Variants in GABRG1 observed in about 807,000 individuals in gnomAD.
GABRG1 encodes the protein gamma-aminobutyric acid receptor subunit gamma-1.
A neutral mutation model predicts 49.8 loss-of-function variants in GABRG1; 49 were observed. The observed-to-expected ratio is 0.98, with a 90% CI of 0.78 to 1.25. The LOEUF (loss-of-function observed/expected upper bound fraction) is 1.25, where lower values mean the gene tolerates loss of function less well. GABRG1 is among the 50% of genes most tolerant of loss of function. The probability of loss-of-function intolerance (pLI) is 0.00; values close to 1 mark genes in which losing one functional copy is unlikely to be tolerated. For missense variants in GABRG1, 552 were observed against 552.3 expected (o/e 1.00, Z 0.01); for synonymous variants, 232 against 185.1 (o/e 1.25, Z -2.06).
rs1717561352 is a variant in GABRG1 at position 46,037,124 on chromosome 4, C to T, written c.*3864G>A. The T allele has an allele frequency of 6.6e-6, 1 of 151,850 alleles. No homozygotes were observed. The highest frequency in any genetic ancestry group is 2.1e-4 in the South Asian group (1 of 4,826). The allele number at this position is 151,850 out of a possible 1,614,324, so 9.4% of individuals were successfully genotyped here. On this transcript the variant is annotated 3_prime_UTR_variant, in exon 9 of 9. Coordinates refer to ENST00000295452, the MANE Select transcript of GABRG1 (RefSeq NM_173536.4). ...CCCTTCCTTAAATTGTATAACTAAT[C>T]CTCTCATCTTTCTGACTACATTATA...
At chr4:46,102,777 A>G (rs991855452) in intron 1 of GABRG1, among the ~76,000 whole-genome samples, 8 of 151,696 alleles carry the variant, frequency 5.3e-5, no homozygotes, top group Non-Finnish European at 1.0e-4. Flanking sequence ...TAATAACTAT[A>G]TTACTCTTCT....
rs1291918347 is a variant in GABRG1 at position 46,037,636 on chromosome 4, T to A, written c.*3352A>T. 1 of 151,724 alleles carries A rather than the reference T, an allele frequency of 6.6e-6. No individual in the cohort carries two copies. The highest frequency in any genetic ancestry group is 1.5e-5 in the Non-Finnish European group (1 of 67,820). 9.4% of individuals were successfully genotyped at this position (151,724 alleles called of 1,614,324 possible). A position where few individuals can be genotyped will look rare whatever the true frequency, so the allele number is the denominator to read the frequency against. Reference sequence around the variant, plus strand: ...AATGTAGTATTTTTTTACAGGAAATTTTGTAAGAGTAAAAATAGGTACTGG... The same window carrying A: ...AATGTAGTATTTTTTTACAGGAAATATTGTAAGAGTAAAAATAGGTACTGG... On this transcript the variant is annotated 3_prime_UTR_variant, in exon 9 of 9. Coordinates refer to ENST00000295452, the MANE Select transcript of GABRG1 (RefSeq NM_173536.4).
intron 8 of GABRG1, among the ~76,000 whole-genome samples, chr4:46,041,696 A>T (rs1717793517): frequency 6.6e-6 from 1 of 152,078 alleles, no homozygotes; most frequent in African/African-American, 2.4e-5. Flanking sequence ...GTTTGTGAAG[A>T]TATGAATTGA....
rs1264728967 is a variant in GABRG1, at chr4:46,123,966, T to A, written c.-53A>T. On this transcript the variant is annotated 5_prime_UTR_variant, in exon 1 of 9. In the 5' UTR this introduces an upstream ATG that the reference lacks. Transcript: ENST00000295452. ...CTAGCTCAATTCTCCCAGCCAGGAC[T>A]TTTCCTCCCACCTCAGCAGCAGCTG... 7.3e-7 allele frequency: 1 copy of A among 1,373,120 alleles called. No homozygotes were observed. The highest frequency in any genetic ancestry group is 1.0e-6 in the Non-Finnish European group (1 of 966,158). 85.1% of individuals were successfully genotyped at this position (1,373,120 alleles called of 1,614,324 possible).
chr4:46,066,017 C>A (rs1362638477), intron 3 of GABRG1, among the ~76,000 whole-genome samples: 1 of 152,136 alleles, frequency 6.6e-6, no homozygotes, highest in East Asian at 1.9e-4. Context: ...CCACCGCACA[C>A]GGCCTAAACT....
chr4:46,082,748 T>C (rs1426965904), intron 3 of GABRG1, among the ~76,000 whole-genome samples: 1 of 151,824 alleles, frequency 6.6e-6, no homozygotes, highest in Admixed American at 6.6e-5. Context: ...TCAGATTTTA[T>C]AATATCATCT....
At chr4:46,083,694 T>A (rs1426778501) in intron 3 of GABRG1, among the ~76,000 whole-genome samples, 2 of 151,216 alleles carry the variant, frequency 1.3e-5, no homozygotes, top group African/African-American at 4.9e-5. Context: ...ACTTCCTGAT[T>A]TTTTTTCTTT....
chr4:46,115,445 G>A (rs1720853750), intron 1 of GABRG1, among the ~76,000 whole-genome samples: 1 of 150,362 alleles, frequency 6.7e-6, no homozygotes, highest in Admixed American at 6.7e-5. Context: ...ATGGCATTAG[G>A]GAAAATCATT....
intron 7 of GABRG1, among the ~76,000 whole-genome samples, chr4:46,052,459 A>G (rs554900723): frequency 3.2e-4 from 48 of 151,984 alleles, no homozygotes; most frequent in African/African-American, 1.1e-3. Context: ...CTGCTTTGAA[A>G]GCACAGAGTA....
At chr4:46,042,986 A>G (rs898753037) in intron 8 of GABRG1, among the ~76,000 whole-genome samples, 1 of 151,950 alleles carries the variant, frequency 6.6e-6, no homozygotes, top group African/African-American at 2.4e-5. Context: ...CCTAAATTTT[A>G]ATGGAGCACT....
chr4:46,092,062 C>A (rs532934575), intron 2 of GABRG1, among the ~76,000 whole-genome samples: 4 of 151,926 alleles, frequency 2.6e-5, no homozygotes, highest in African/African-American at 9.6e-5. Context: ...GTTTCCATAT[C>A]GATTGGAAAT....
chr4:46,103,477 A>C (rs1276128084), intron 1 of GABRG1, among the ~76,000 whole-genome samples: 1 of 151,508 alleles, frequency 6.6e-6, no homozygotes, highest in Non-Finnish European at 1.5e-5. Context: ...TATTAAAATA[A>C]ATATAAAATT....
chr4:46,063,717 A>C (rs10012372), intron 5 of GABRG1, among the ~76,000 whole-genome samples: 1 of 151,610 alleles, frequency 6.6e-6, no homozygotes, highest in Non-Finnish European at 1.5e-5. Context: ...GCACAGCAAA[A>C]GAAACTACCA....
chr4:46,074,150 T>G (rs181506222), intron 3 of GABRG1, among the ~76,000 whole-genome samples: 1,841 of 152,302 alleles, frequency 0.012, 35 homozygotes, highest in African/African-American at 0.042. Context: ...ATAGATTGGT[T>G]CAGTGCTAAA....
chr4:46,072,867 T>G (rs1719183601), intron 3 of GABRG1, among the ~76,000 whole-genome samples: 1 of 152,056 alleles, frequency 6.6e-6, no homozygotes, highest in Non-Finnish European at 1.5e-5. Flanking sequence ...ATTTTAAACT[T>G]ACTTTGCCTC....
intron 1 of GABRG1, among the ~76,000 whole-genome samples, chr4:46,113,799 T>C (rs1237857212): frequency 2.0e-5 from 3 of 151,140 alleles, no homozygotes; most frequent in Non-Finnish European, 1.5e-5. Context: ...TCAATGAATA[T>C]TCTTTAGTAA....
intron 1 of GABRG1, among the ~76,000 whole-genome samples, chr4:46,111,387 T>C (rs1191159069): frequency 1.3e-5 from 2 of 151,102 alleles, no homozygotes; most frequent in African/African-American, 4.8e-5. Flanking sequence ...TGGATTGGAA[T>C]AAACAATATT....
chr4:46,123,236 T>C (rs1465459059), intron 1 of GABRG1, among the ~76,000 whole-genome samples: 1 of 151,878 alleles, frequency 6.6e-6, no homozygotes, highest in African/African-American at 2.4e-5. Flanking sequence ...AAATTAAATA[T>C]ACACGGTCAG....
intron 2 of GABRG1, among the ~76,000 whole-genome samples, chr4:46,084,926 T>C (rs1040400302): frequency 2.0e-5 from 3 of 151,586 alleles, no homozygotes; most frequent in African/African-American, 7.2e-5. Flanking sequence ...CCAATAAATA[T>C]AAAATTAAGC....
Sources: gnomAD v4.1 joint callset for allele counts (sites outside exome capture counted in the v4.1 genomes callset) on GRCh38, gnomAD v4.1.1 for gene constraint, MANE v1.5 for transcripts, NCBI Gene and HGNC (gene_info 2026-07-23, HGNC 2026-07-21) for gene names.